Variants in CCR3 observed in about 807,000 individuals in gnomAD.
CCR3 encodes C-C chemokine receptor type 3.
For missense variants in CCR3, 419 were observed against 437.5 expected (o/e 0.96, Z 0.38); for synonymous variants, 203 against 179.2 (o/e 1.13, Z -1.06).
chr3:46,262,046 C>A (rs905008910), intron 1 of CCR3, among the ~76,000 whole-genome samples: 1 of 152,228 alleles, frequency 6.6e-6, no homozygotes, highest in Non-Finnish European at 1.5e-5. Flanking sequence ...GACAGGAACA[C>A]CCCCTTCCCA....
chr3:46,230,315 A>G (rs377749102), intron 2 of CCR3, among the ~76,000 whole-genome samples: 34 of 152,324 alleles, frequency 2.2e-4, no homozygotes, highest in African/African-American at 7.7e-4. Context: ...GTGTCCTGAC[A>G]TAAAATTCAA....
rs34816775 is a variant in CCR3, at chr3:46,256,951, G to GCACACA, written c.-11-8184_-11-8179dup. Among the ~76,000 whole-genome samples, 469 of 150,402 alleles carry GCACACA rather than the reference G, an allele frequency of 3.1e-3. 3 individuals are homozygous for GCACACA. Among genetic ancestry groups the GCACACA allele is most frequent in the Admixed American group, 7.6e-3 (115 of 15,062 alleles). ...TTATCAAGGAGGTCTTCACATTTGTGCACACACACACACACACAATGCTTA... is the reference window on the plus strand; with the variant it reads ...TTATCAAGGAGGTCTTCACATTTGTGCACACACACACACACACACACACAATGCTTA... On this transcript the variant is annotated intron_variant, in intron 1 of 1. Transcript: ENST00000395940.
At chr3:46,263,693 C>T (rs1700567325) in intron 1 of CCR3, 1 of 152,206 alleles carries the variant, frequency 6.6e-6, no homozygotes, top group African/African-American at 2.4e-5. Context: ...TTCCTCATCA[C>T]AACCCCAAGT....
intron 1 of CCR3, chr3:46,264,170 G>A (rs1700575980): frequency 2.0e-6 from 1 of 488,128 alleles, no homozygotes; most frequent in African/African-American, 2.1e-5. Context: ...CAAGTCCAGT[G>A]AGAAATCCCA....
At chr3:46,226,905 T>C (rs1032651315) in intron 2 of CCR3, among the ~76,000 whole-genome samples, 7 of 152,046 alleles carry the variant, frequency 4.6e-5, no homozygotes, top group Non-Finnish European at 1.0e-4. Context: ...GGAGTCTTGC[T>C]CTTTTGCCCA....
At chr3:46,261,122 C>T (rs750349388) in intron 1 of CCR3, among the ~76,000 whole-genome samples, 1 of 152,138 alleles carries the variant, frequency 6.6e-6, no homozygotes, top group Non-Finnish European at 1.5e-5. Context: ...AGGTATAAAA[C>T]CTTGATATTG....
intron 2 of CCR3, among the ~76,000 whole-genome samples, chr3:46,230,379 C>G (rs1430001308): frequency 3.9e-5 from 6 of 152,028 alleles, no homozygotes. Context: ...CTGGAGTGAA[C>G]AGAAATACTC....
At chr3:46,226,192 A>G (rs1357893513) in intron 2 of CCR3, among the ~76,000 whole-genome samples, 1 of 152,200 alleles carries the variant, frequency 6.6e-6, no homozygotes, top group Non-Finnish European at 1.5e-5. Flanking sequence ...ACTTAAGAAT[A>G]ATAAGCTTAC....
rs548253693 is a variant in CCR3 at position 46,264,099 on chromosome 3, C to T, written c.-11-1049C>T. Reference sequence around the variant, plus strand: ...GTTTTCTATTTTCCTCCTTTTCCACCGAAGTCTATAATCTCAAGAAAAGCA... The same window carrying T: ...GTTTTCTATTTTCCTCCTTTTCCACTGAAGTCTATAATCTCAAGAAAAGCA... On this transcript the variant is annotated intron_variant, in intron 1 of 1. Coordinates refer to ENST00000395940, the MANE Select transcript of CCR3 (RefSeq NM_178329.3). 320 of 324,550 alleles carry T rather than the reference C, an allele frequency of 9.9e-4. 2 individuals carry two copies. Among genetic ancestry groups the T allele is most frequent in the African/African-American group, 6.3e-3 (283 of 44,576 alleles). 20.1% of individuals were successfully genotyped at this position (324,550 alleles called of 1,614,324 possible).
chr3:46,225,998 G>T (rs780783124), intron 2 of CCR3, among the ~76,000 whole-genome samples: 6 of 152,236 alleles, frequency 3.9e-5, no homozygotes, highest in Non-Finnish European at 8.8e-5. Context: ...GCATATTTGT[G>T]AGTCTAGTTC....
intron 1 of CCR3, among the ~76,000 whole-genome samples, chr3:46,262,267 G>A (rs1420409869): frequency 6.6e-6 from 1 of 152,258 alleles, no homozygotes; most frequent in Non-Finnish European, 1.5e-5. Context: ...CTATCCAGCA[G>A]ATGAGAAGCT....
chr3:46,264,353 T>C (rs763731092), intron 1 of CCR3: 94 of 1,158,942 alleles, frequency 8.1e-5, no homozygotes, highest in Non-Finnish European at 1.2e-4. Context: ...TGATTGTACA[T>C]GTGTAACAGA....
rs554552417 is a variant in CCR3, at chr3:46,212,098, G to A, written c.-68+1191G>A. Among the ~76,000 whole-genome samples the A allele has an allele frequency of 2.7e-4, 41 of 152,122 alleles. 1 individual carries two copies. Among genetic ancestry groups the A allele is most frequent in the African/African-American group, 9.9e-4 (41 of 41,478 alleles). On this transcript the variant is annotated intron_variant, in intron 2 of 3. Transcript: ENST00000357422. ...CAATTTTGACTTGGCCCTGTTTCTG[G>A]TTCTCCTTTCGTGATACAACCTCAA...
intron 2 of CCR3, among the ~76,000 whole-genome samples, chr3:46,212,439 C>T (rs1397366890): frequency 5.3e-5 from 8 of 152,050 alleles, no homozygotes; most frequent in Admixed American, 5.2e-4. Context: ...GCAGTAGCAC[C>T]CCAGGTCCCT....
chr3:46,234,670 A>G (rs1217635380), intron 2 of CCR3, among the ~76,000 whole-genome samples: 2 of 152,182 alleles, frequency 1.3e-5, no homozygotes, highest in Non-Finnish European at 2.9e-5. Flanking sequence ...CACACAGTAG[A>G]GTCACTCCCA....
At position 46,250,122 on chromosome 3, in the gene CCR3, G is replaced by A. The variant is rs187484020; in HGVS notation, c.-12+7584G>A. Reference sequence around the variant, plus strand: ...ATATTTGATGAAAAAGAGCCTAAACGCTTCTGATTTGGGATAAAGAAAAAG... The same window carrying A: ...ATATTTGATGAAAAAGAGCCTAAACACTTCTGATTTGGGATAAAGAAAAAG... On this transcript the variant is annotated intron_variant, in intron 1 of 1. Coordinates refer to ENST00000395940, the MANE Select transcript of CCR3 (RefSeq NM_178329.3). Among the ~76,000 whole-genome samples the A allele has an allele frequency of 4.7e-3, 708 of 152,192 alleles. 6 individuals carry two copies. Among genetic ancestry groups the A allele is most frequent in the African/African-American group, 0.016 (648 of 41,502 alleles).
intron 1 of CCR3, among the ~76,000 whole-genome samples, chr3:46,252,262 G>A (rs9877781): frequency 0.44 from 63,485 of 143,858 alleles, 14,670 homozygotes; most frequent in East Asian, 0.66. Context: ...AGCAAACTCC[G>A]CATCCCAGGC....
intron 2 of CCR3, among the ~76,000 whole-genome samples, chr3:46,230,747 G>A (rs1470561737): frequency 1.3e-5 from 2 of 152,074 alleles, no homozygotes; most frequent in African/African-American, 2.4e-5. Flanking sequence ...CACTGTCCTA[G>A]TTCATGAGCC....
At chr3:46,262,431 T>C (rs933156859) in intron 1 of CCR3, among the ~76,000 whole-genome samples, 4 of 152,206 alleles carry the variant, frequency 2.6e-5, no homozygotes, top group Non-Finnish European at 5.9e-5. Flanking sequence ...TGGTAAATGC[T>C]GCATGAGGAG....
Sources: gnomAD v4.1 joint callset for allele counts (sites outside exome capture counted in the v4.1 genomes callset) on GRCh38, gnomAD v4.1.1 for gene constraint, MANE v1.5 for transcripts, NCBI Gene and HGNC (gene_info 2026-07-23, HGNC 2026-07-21) for gene names.